The following TESC variants were observed in gnomAD, a reference collection of about 807,000 sequenced individuals.
TESC encodes tescalcin.
A neutral mutation model predicts 31.0 loss-of-function variants in TESC; 19 were observed. That is an observed-to-expected ratio of 0.61 (90% CI 0.43 to 0.90). TESC has a LOEUF of 0.90. TESC is among the 40% of genes least tolerant of loss of function. The probability of loss-of-function intolerance (pLI) is 0.00; values close to 1 mark genes in which losing one functional copy is unlikely to be tolerated. For missense variants in TESC, 248 were observed against 303.8 expected, an observed-to-expected ratio of 0.82 and a Z score of 1.36; for synonymous variants, 109 against 114.8, an observed-to-expected ratio of 0.95 and a Z score of 0.32.
rs149545207 is a variant in TESC at position 117,064,340 on chromosome 12, A to G, written c.129-7454T>C. Among the ~76,000 whole-genome samples, 452 of 152,318 alleles carry G rather than the reference A, an allele frequency of 3.0e-3. 5 individuals are homozygous for G. The highest frequency in any genetic ancestry group is 0.01 in the African/African-American group (429 of 41,558). ...TCTCCTATCCACATTTTTGCACAGAAGATTCTGGCAAGAAAGGCCTGGTCC... is the reference window on the plus strand; with the variant it reads ...TCTCCTATCCACATTTTTGCACAGAGGATTCTGGCAAGAAAGGCCTGGTCC... On this transcript the variant is annotated intron_variant, in intron 2 of 7. Coordinates refer to ENST00000335209, the MANE Select transcript of TESC (RefSeq NM_017899.4).
At chr12:117,056,784 T>C (rs1179040686) in intron 3 of TESC, 22 bp downstream of exon 3, 2 of 1,612,848 alleles carry the variant, frequency 1.2e-6, no homozygotes. Flanking sequence ...GCCACTGGGC[T>C]GGTTCAGGGG....
At position 117,077,550 on chromosome 12, in the gene TESC, A is replaced by C. The variant is rs114630237; in HGVS notation, c.59-2210T>G. Among the ~76,000 whole-genome samples, 1,050 of 152,376 alleles carry C rather than the reference A, an allele frequency of 6.9e-3. 11 individuals carry two copies. Among genetic ancestry groups the C allele is most frequent in the African/African-American group, 0.023 (950 of 41,588 alleles). ...CCCAACAATGGCAGAGTAGAGTGCT[A>C]ATGTGTAATATAGTCAAGCAATGGA... On this transcript the variant is annotated intron_variant, in intron 1 of 7. Coordinates refer to ENST00000335209, the MANE Select transcript of TESC (RefSeq NM_017899.4).
intron 1 of TESC, among the ~76,000 whole-genome samples, chr12:117,098,218 C>T (rs1239089433): frequency 2.0e-5 from 3 of 152,232 alleles, no homozygotes; most frequent in Non-Finnish European, 4.4e-5. Flanking sequence ...CCCAAAATAT[C>T]TGCAGCTCCC....
intron 2 of TESC, among the ~76,000 whole-genome samples, chr12:117,062,035 A>C (rs1392782336): frequency 4.6e-5 from 7 of 152,218 alleles, no homozygotes; most frequent in Non-Finnish European, 1.0e-4. Flanking sequence ...TTTTAAAATA[A>C]TAACAGTAAT....
intron 1 of TESC, among the ~76,000 whole-genome samples, chr12:117,095,850 A>T (rs1198922969): frequency 6.6e-6 from 1 of 152,146 alleles, no homozygotes; most frequent in Non-Finnish European, 1.5e-5. Flanking sequence ...CTTGCACTCC[A>T]GCCTGGGTGA....
chr12:117,078,440 T>C lies in TESC; in HGVS notation c.59-3100A>G, dbSNP rs980944966. Reference sequence around the variant, plus strand: ...AAAATCGCACCACTGCACTCCAGCCTTGGCAAGAGAACGAGACTCTGCCTC... The same window carrying C: ...AAAATCGCACCACTGCACTCCAGCCCTGGCAAGAGAACGAGACTCTGCCTC... On this transcript the variant is annotated intron_variant, in intron 1 of 7. Coordinates refer to ENST00000335209, the MANE Select transcript of TESC (RefSeq NM_017899.4). Among the ~76,000 whole-genome samples, 38 of 152,276 alleles carry C rather than the reference T, an allele frequency of 2.5e-4. 1 individual carries two copies. The East Asian group carries it at 6.4e-3, about 26-fold the overall frequency.
chr12:117,069,951 G>A (rs1164804298), intron 2 of TESC, among the ~76,000 whole-genome samples: 2 of 152,190 alleles, frequency 1.3e-5, no homozygotes, highest in Admixed American at 1.3e-4. Context: ...GTCCTTCGCT[G>A]TCTGAGCGGG....
chr12:117,099,292 G>A lies in TESC; in HGVS notation c.-10C>T, dbSNP rs558259777. ...AGTGGGCAGCGCCCATGGTGCCCGC[G>A]GCGGGGGCCCCGGGGCGCGCGTCCC... On this transcript the variant is annotated 5_prime_UTR_variant, in exon 1 of 8. Transcript: ENST00000335209. The A allele has an allele frequency of 4.4e-4, 626 of 1,432,988 alleles. 4 individuals are homozygous for A. The African/African-American group carries it at 8.6e-3, about 20-fold the overall frequency. 88.8% of individuals were successfully genotyped at this position (1,432,988 alleles called of 1,614,324 possible).
chr12:117,056,208 C>T lies in TESC; in HGVS notation c.209+598G>A, dbSNP rs187472264. ...AAGTGCTGGGATTACAGGTATGACCCACTGTGCCCTGCTAATTCTTTTATT... is the reference window on the plus strand; with the variant it reads ...AAGTGCTGGGATTACAGGTATGACCTACTGTGCCCTGCTAATTCTTTTATT... On this transcript the variant is annotated intron_variant, in intron 3 of 7. Transcript: ENST00000335209. Among the ~76,000 whole-genome samples the T allele has an allele frequency of 6.8e-4, 103 of 152,116 alleles. 1 individual carries two copies. The highest frequency in any genetic ancestry group is 5.6e-3 in the Admixed American group (85 of 15,282).
At chr12:117,070,956 G>A (rs1041633505) in intron 2 of TESC, among the ~76,000 whole-genome samples, 2 of 145,638 alleles carry the variant, frequency 1.4e-5, no homozygotes, top group African/African-American at 5.0e-5. Flanking sequence ...GAGCAACACA[G>A]CGAGACTCTG....
At chr12:117,071,146 C>T (rs1043000117) in intron 2 of TESC, among the ~76,000 whole-genome samples, 8 of 152,214 alleles carry the variant, frequency 5.3e-5, no homozygotes, top group East Asian at 3.8e-4. Context: ...ACAGGCCTCA[C>T]GTAGGCCACG....
intron 1 of TESC, 23 bp downstream of exon 1, chr12:117,099,185 TCCCGCCCCGGTCCCCGC>T: frequency 1.4e-6 from 2 of 1,470,112 alleles, no homozygotes; most frequent in East Asian, 6.0e-5. Flanking sequence ...CGTTCGGAGG[TCCCGCCCCGGTCCCCGC>T]GCCGCCCCCC....
At chr12:117,061,549 T>A (rs1443600464) in intron 2 of TESC, among the ~76,000 whole-genome samples, 2 of 152,008 alleles carry the variant, frequency 1.3e-5, no homozygotes, top group Non-Finnish European at 2.9e-5. Flanking sequence ...CAACAAGACA[T>A]GCTTGACCTG....
chr12:117,046,998 C>T (rs1954577319), intron 4 of TESC, among the ~76,000 whole-genome samples, 160 bp from the exon 5 acceptor site: 1 of 152,076 alleles, frequency 6.6e-6, no homozygotes. Context: ...CTGACTACTT[C>T]CTACTGGGTG....
chr12:117,052,517 G>A (rs1160314467), intron 3 of TESC, among the ~76,000 whole-genome samples: 6 of 152,034 alleles, frequency 3.9e-5, no homozygotes, highest in Non-Finnish European at 7.4e-5. Flanking sequence ...GTGACTTCTG[G>A]GCCAGCCTTA....
intron 1 of TESC, among the ~76,000 whole-genome samples, chr12:117,088,886 G>A (rs1029446937): frequency 6.6e-6 from 1 of 152,216 alleles, no homozygotes; most frequent in African/African-American, 2.4e-5. Context: ...AACCAGCAGG[G>A]TTAGTGACAG....
chr12:117,081,851 C>T (rs1366272815), intron 1 of TESC, among the ~76,000 whole-genome samples: 1 of 151,902 alleles, frequency 6.6e-6, no homozygotes, highest in South Asian at 2.1e-4. Flanking sequence ...TTGCAGCGAG[C>T]CGAGATCGTG....
intron 2 of TESC, among the ~76,000 whole-genome samples, chr12:117,074,083 G>C (rs1955017314): frequency 6.6e-6 from 1 of 151,970 alleles, no homozygotes; most frequent in Non-Finnish European, 1.5e-5. Flanking sequence ...AAAATTAGCT[G>C]GTGTGGTGGT....
intron 1 of TESC, among the ~76,000 whole-genome samples, chr12:117,078,975 T>A (rs1423742813): frequency 6.6e-6 from 1 of 152,170 alleles, no homozygotes; most frequent in Non-Finnish European, 1.5e-5. Flanking sequence ...CACATCATCT[T>A]CTTTAGTTCC....
Sources: gnomAD v4.1 joint callset for allele counts (sites outside exome capture counted in the v4.1 genomes callset) on GRCh38, gnomAD v4.1.1 for gene constraint, MANE v1.5 for transcripts, NCBI Gene and HGNC (gene_info 2026-07-23, HGNC 2026-07-21) for gene names.